The following RP1 variants were observed in gnomAD, a reference collection of about 807,000 sequenced individuals.
RP1 encodes RP1 axonemal microtubule associated.
RP1 carries 16 observed loss-of-function variants against 14.8 expected under a neutral mutation model. The observed-to-expected ratio is 1.08, with a 90% CI of 0.73 to 1.65. RP1 has a LOEUF of 1.65. RP1 is among the 40% of genes most tolerant of loss of function. The pLI is 0.00. For synonymous variants in RP1, 876 were observed against 883.6 expected, an observed-to-expected ratio of 0.99 and a Z score of 0.15; for missense variants, 2,631 against 2,535.0, an observed-to-expected ratio of 1.04 and a Z score of -0.81.
intron 24 of RP1, among the ~76,000 whole-genome samples, chr8:54,789,770 C>G (rs1359599234): frequency 6.6e-6 from 1 of 152,174 alleles, no homozygotes; most frequent in Non-Finnish European, 1.5e-5. Flanking sequence ...ACAGATTCTC[C>G]CAAACTGAGA....
At chr8:54,812,328 A>ACAGGGTTTTGC (rs1811018389) in intron 24 of RP1, among the ~76,000 whole-genome samples, 1 of 152,150 alleles carries the variant, frequency 6.6e-6, no homozygotes, top group Admixed American at 6.5e-5. Context: ...TTTAATAGAG[A>ACAGGGTTTTGC]CAGGGTTTTG....
At chr8:54,777,312 G>T (rs1185108888) in intron 23 of RP1, among the ~76,000 whole-genome samples, 1 of 152,200 alleles carries the variant, frequency 6.6e-6, no homozygotes, top group African/African-American at 2.4e-5. Context: ...CACCCGGTTG[G>T]CTGACTCTGT....
intron 24 of RP1, among the ~76,000 whole-genome samples, chr8:54,801,575 G>T (rs939611697): frequency 2.0e-5 from 3 of 151,414 alleles, no homozygotes; most frequent in Non-Finnish European, 4.4e-5. Flanking sequence ...CAGGACTTCC[G>T]CCTTGGCTGC....
At chr8:54,605,975 A>T (rs904527989) in intron 1 of RP1, among the ~76,000 whole-genome samples, 2 of 151,168 alleles carry the variant, frequency 1.3e-5, no homozygotes, top group African/African-American at 2.4e-5. Flanking sequence ...CAGCACACTG[A>T]TGGGTCTTGA....
Position 54,832,657 on chromosome 8 carries a change from C to T in RP1, c.3616-4793C>T, listed in dbSNP as rs113326129. 3.0e-4 allele frequency among the ~76,000 whole-genome samples: 46 copies of T among 151,830 alleles called. No individual in the cohort carries two copies. In the East Asian group the frequency reaches 3.5e-3, roughly 11 times the overall value. On this transcript the variant is annotated intron_variant, in intron 24 of 28. Transcript: ENST00000637698. ...ATTGACATTATGCAGTTTGTTCATA[C>T]GTCTAGTAATTTTGATTGCATACTA...
chr8:54,744,083 T>A (rs763175295), intron 19 of RP1, among the ~76,000 whole-genome samples: 36 of 152,198 alleles, frequency 2.4e-4, no homozygotes, highest in Non-Finnish European at 2.9e-4. Context: ...AAATTCACCA[T>A]GGGGTCATAT....
chr8:54,678,349 T>C, intron 8 of RP1: 3 of 816,414 alleles, frequency 3.7e-6, no homozygotes, highest in Non-Finnish European at 5.5e-6. Context: ...AAGCTTTATA[T>C]TGTACAAGAC....
chr8:54,560,655 G>T (rs10096441), intron 1 of RP1: 3 of 152,138 alleles, frequency 2.0e-5, no homozygotes, highest in East Asian at 3.9e-4. Context: ...GGTTCATCCC[G>T]TGCACCTTCT....
intron 25 of RP1, among the ~76,000 whole-genome samples, chr8:54,846,851 C>A (rs1811931978): frequency 6.6e-6 from 1 of 152,184 alleles, no homozygotes; most frequent in South Asian, 2.1e-4. Flanking sequence ...CACCTCCTCC[C>A]TCATTGGTAA....
intron 1 of RP1, among the ~76,000 whole-genome samples, chr8:54,563,599 G>T (rs1247387017): frequency 1.3e-5 from 2 of 152,112 alleles, no homozygotes; most frequent in South Asian, 2.1e-4. Context: ...AGGCTGGAAT[G>T]CAGTGGCGAG....
At chr8:54,759,593 G>C (rs1809590426) in intron 22 of RP1, among the ~76,000 whole-genome samples, 1 of 152,162 alleles carries the variant, frequency 6.6e-6, no homozygotes, top group African/African-American at 2.4e-5. Context: ...GCCTCGGCTT[G>C]AGACACAGGT....
chr8:54,628,183 A>G lies in RP1; in HGVS notation c.4301A>G (p.Tyr1434Cys). The G allele has an allele frequency of 6.2e-7, 1 of 1,614,044 alleles. No homozygotes were observed. The highest frequency in any genetic ancestry group is 8.5e-7 in the Non-Finnish European group (1 of 1,179,932). The change falls in exon 4 of 4, where the codon TAT (tyrosine) becomes TGT (cysteine). Residue 1434 changes from tyrosine to cysteine, a missense_variant. Coordinates refer to ENST00000220676, the MANE Select transcript of RP1 (RefSeq NM_006269.2). ...AGGAAGTTTCAGGATGAAAATGCAT[A>G]TACTTCCTTTGATATGGAAGAACCA... ...SLRKFQDENA[Y>C]TSFDMEEPRT...
intron 17 of RP1, among the ~76,000 whole-genome samples, chr8:54,731,401 TCTC>T (rs975864642): frequency 6.6e-6 from 1 of 152,136 alleles, no homozygotes; most frequent in Non-Finnish European, 1.5e-5. Context: ...CATTAAATAT[TCTC>T]CTAGCTTAGA....
intron 24 of RP1, among the ~76,000 whole-genome samples, chr8:54,800,614 T>C (rs1400050401): frequency 2.0e-5 from 3 of 152,196 alleles, no homozygotes; most frequent in African/African-American, 4.8e-5. Context: ...ATTCTTCCCT[T>C]GGCCATGTTG....
chr8:54,673,475 C>T (rs1190643879), intron 7 of RP1, among the ~76,000 whole-genome samples: 1 of 152,134 alleles, frequency 6.6e-6, no homozygotes. Flanking sequence ...TGCCGTGGCC[C>T]ACGCCTGTAA....
intron 5 of RP1, chr8:54,652,876 T>G: frequency 6.6e-7 from 1 of 1,524,488 alleles, no homozygotes; most frequent in South Asian, 1.2e-5. Context: ...GGTAAGGATA[T>G]ATCAACACTT....
rs776451834 is a variant in RP1, at chr8:54,644,441, G to A, written c.788-4544G>A. Among the ~76,000 whole-genome samples, 7 of 152,206 alleles carry A rather than the reference G, an allele frequency of 4.6e-5. No individual in the cohort carries two copies. The South Asian group carries it at 6.2e-4, about 14-fold the overall frequency. ...ATAATATTCTCCAAAAACCTTGTTG[G>A]TCTTCTGTGGATGCCAAAGGGGTCC... On this transcript the variant is annotated intron_variant, in intron 3 of 22. Coordinates refer to the RP1 transcript ENST00000636932.
chr8:54,595,199 A>G lies in RP1; in HGVS notation c.-12-25756A>G, dbSNP rs558980213. Among the ~76,000 whole-genome samples the G allele has an allele frequency of 5.4e-5, 8 of 148,786 alleles. No individual in the cohort carries two copies. The South Asian group carries it at 1.7e-3, about 32-fold the overall frequency. On this transcript the variant is annotated intron_variant, in intron 1 of 22. Coordinates refer to the RP1 transcript ENST00000636932. The stretch of plus-strand genomic sequence containing the variant: ...GGGTGGAGTGCAGTCGCGCGATCTC[A>G]GCTCACTGCAAGCTCCACCTCCCAG...
intron 19 of RP1, among the ~76,000 whole-genome samples, chr8:54,747,479 G>A (rs1257437884): frequency 6.6e-6 from 1 of 152,182 alleles, no homozygotes; most frequent in East Asian, 1.9e-4. Context: ...TTGAGAACAG[G>A]AACTTTGTAT....
Sources: allele counts gnomAD v4.1 joint callset (sites outside exome capture counted in the v4.1 genomes callset), GRCh38; gene constraint gnomAD v4.1.1; transcripts MANE v1.5; gene names NCBI Gene and HGNC (gene_info 2026-07-23, HGNC 2026-07-21).